Variants in ARL6IP6 observed in about 807,000 individuals in gnomAD.
The protein encoded by ARL6IP6 is ARF like GTPase 6 interacting protein 6, also known as ADP-ribosylation factor-like protein 6-interacting protein 6.
Under a neutral mutation model 21.5 loss-of-function variants are expected in ARL6IP6, and 22 were observed. That is an observed-to-expected ratio of 1.02 (90% CI 0.73 to 1.46). The LOEUF is 1.46. ARL6IP6 is among the 40% of genes most tolerant of loss of function. The pLI is 0.00. For missense variants in ARL6IP6, 388 were observed against 299.8 expected (o/e 1.29, Z -2.17); for synonymous variants, 164 against 125.3 (o/e 1.31, Z -2.06).
intron 3 of ARL6IP6, among the ~76,000 whole-genome samples, chr2:152,752,254 A>G (rs986416349): frequency 6.6e-6 from 1 of 152,198 alleles, no homozygotes; most frequent in Non-Finnish European, 1.5e-5. Flanking sequence ...GTATGGAAAT[A>G]AAAAGTCATG....
At chr2:152,755,333 G>A (rs1701532526) in intron 3 of ARL6IP6, among the ~76,000 whole-genome samples, 1 of 152,154 alleles carries the variant, frequency 6.6e-6, no homozygotes, top group Non-Finnish European at 1.5e-5. Flanking sequence ...GTTTAGGGAA[G>A]ACTGTACTCC....
At chr2:152,722,509 A>G (rs1699835521) in intron 2 of ARL6IP6, among the ~76,000 whole-genome samples, 1 of 152,210 alleles carries the variant, frequency 6.6e-6, no homozygotes, top group Admixed American at 6.5e-5. Context: ...AGATGTATGT[A>G]TTATAACATA....
At chr2:152,754,581 A>G (rs933696620) in intron 3 of ARL6IP6, among the ~76,000 whole-genome samples, 1 of 152,164 alleles carries the variant, frequency 6.6e-6, no homozygotes, top group South Asian at 2.1e-4. Context: ...ATATATACCT[A>G]GAGTGGAATT....
At chr2:152,739,227 C>T (rs531698778) in intron 3 of ARL6IP6, among the ~76,000 whole-genome samples, 12 of 152,162 alleles carry the variant, frequency 7.9e-5, no homozygotes, top group South Asian at 2.1e-4. Flanking sequence ...CCTCGTGATC[C>T]GCCCACCTTG....
At chr2:152,750,122 T>C (rs1480167000) in intron 3 of ARL6IP6, among the ~76,000 whole-genome samples, 1 of 152,178 alleles carries the variant, frequency 6.6e-6, no homozygotes, top group Non-Finnish European at 1.5e-5. Context: ...GGTAAAAAAC[T>C]GTACATAATC....
chr2:152,739,938 A>G (rs1432551168), intron 3 of ARL6IP6, among the ~76,000 whole-genome samples: 1 of 152,206 alleles, frequency 6.6e-6, no homozygotes, highest in Non-Finnish European at 1.5e-5. Flanking sequence ...CAAGAGACTC[A>G]CACACTATTA....
At chr2:152,755,027 A>G (rs1350994560) in intron 3 of ARL6IP6, among the ~76,000 whole-genome samples, 2 of 152,188 alleles carry the variant, frequency 1.3e-5, no homozygotes, top group Non-Finnish European at 2.9e-5. Context: ...TGTAGCAATT[A>G]CTCTTTATTC....
chr2:152,749,321 A>ACACG (rs1701208212), intron 3 of ARL6IP6, among the ~76,000 whole-genome samples: 1 of 151,598 alleles, frequency 6.6e-6, no homozygotes, highest in Admixed American at 6.6e-5. Flanking sequence ...AAAAACACAC[A>ACACG]CACACACACA....
Position 152,718,711 on chromosome 2 carries a change from C to G in ARL6IP6, c.87C>G (p.Ser29=), listed in dbSNP as rs1178342866. ...GCCCTGTGGCTCGGCCATCGTATTC[C>G]TCCTTTACTCAGGGGGACAGCTGGG... ...TPGPVARPSY[S]SFTQGDSWGE... is the part of the protein sequence containing the mutation. Residue 29 remains serine, a synonymous_variant, in exon 1 of 4, where the codon TCC becomes TCG. Coordinates refer to ENST00000326446, the MANE Select transcript of ARL6IP6 (RefSeq NM_152522.7). 1 of 1,607,764 alleles carries G rather than the reference C, an allele frequency of 6.2e-7. No individual in the cohort carries two copies.
chr2:152,727,617 C>T (rs1165224067), intron 2 of ARL6IP6, among the ~76,000 whole-genome samples: 1 of 152,138 alleles, frequency 6.6e-6, no homozygotes, highest in Non-Finnish European at 1.5e-5. Context: ...TTATCTTTTA[C>T]ACTGTATTTT....
At chr2:152,732,435 G>A (rs1700360597) in intron 2 of ARL6IP6, 2 of 369,120 alleles carry the variant, frequency 5.4e-6, no homozygotes, top group Non-Finnish European at 5.4e-6. Flanking sequence ...TTGAGCATCT[G>A]TTCATGTTTT....
chr2:152,719,057 G>C, intron 1 of ARL6IP6, 33 bp downstream of exon 1: 1 of 1,481,280 alleles, frequency 6.8e-7, no homozygotes, highest in South Asian at 1.4e-5. Flanking sequence ...AGTCTGTCCA[G>C]AGTAAAGTTG....
At chr2:152,732,881 T>C (rs554112697) in intron 2 of ARL6IP6, among the ~76,000 whole-genome samples, 1 of 152,272 alleles carries the variant, frequency 6.6e-6, no homozygotes, top group African/African-American at 2.4e-5. Flanking sequence ...TTTTTATTGT[T>C]GTATTGTTAC....
intron 3 of ARL6IP6, among the ~76,000 whole-genome samples, chr2:152,752,999 C>T (rs1455365593): frequency 6.6e-6 from 1 of 152,000 alleles, no homozygotes; most frequent in African/African-American, 2.4e-5. Context: ...TCCCTGCCTC[C>T]AGACCCTATT....
At chr2:152,758,622 G>C (rs909294894) in intron 3 of ARL6IP6, among the ~76,000 whole-genome samples, 19 of 152,106 alleles carry the variant, frequency 1.2e-4, no homozygotes, top group African/African-American at 4.3e-4. Context: ...AGGTTGAGTC[G>C]AAAGTAAATA....
chr2:152,739,537 G>A (rs145207216), intron 3 of ARL6IP6, among the ~76,000 whole-genome samples: 3 of 152,184 alleles, frequency 2.0e-5, no homozygotes, highest in Admixed American at 6.5e-5. Flanking sequence ...TATCAAGATC[G>A]GCATTTTGGT....
rs571344167 is a variant in ARL6IP6, at chr2:152,750,212, C to T, written c.588-9535C>T. Among the ~76,000 whole-genome samples, 29 of 152,258 alleles carry T rather than the reference C, an allele frequency of 1.9e-4. No individual in the cohort carries two copies. In the South Asian group the frequency reaches 5.8e-3, roughly 30 times the overall value. On this transcript the variant is annotated intron_variant, in intron 3 of 3. Transcript: ENST00000326446. The stretch of plus-strand genomic sequence containing the variant: ...GTAGAACTGAGACCGAGCGCAGTGG[C>T]TCACGCCTGTATCCCAGCACTTTGG...
chr2:152,754,045 T>TG (rs750940399), intron 3 of ARL6IP6, among the ~76,000 whole-genome samples: 3 of 151,384 alleles, frequency 2.0e-5, no homozygotes, highest in East Asian at 1.9e-4. Context: ...TTTTGTTTTT[T>TG]GTTTTTTTTT....
intron 3 of ARL6IP6, among the ~76,000 whole-genome samples, chr2:152,757,279 G>T (rs1471301646): frequency 6.6e-6 from 1 of 152,112 alleles, no homozygotes; most frequent in Non-Finnish European, 1.5e-5. Context: ...TGCCAGAAAT[G>T]TTCTCTATCT....
Sources: gnomAD v4.1 joint callset for allele counts (sites outside exome capture counted in the v4.1 genomes callset) on GRCh38, gnomAD v4.1.1 for gene constraint, MANE v1.5 for transcripts, NCBI Gene and HGNC (gene_info 2026-07-23, HGNC 2026-07-21) for gene names.